ANGPT2: variants seen among roughly 807,000 people sequenced by gnomAD.
ANGPT2 encodes angiopoietin 2.
A neutral mutation model predicts 62.9 loss-of-function variants in ANGPT2; 28 were observed. That is an observed-to-expected ratio of 0.44 (90% confidence interval 0.33 to 0.61). The LOEUF (loss-of-function observed/expected upper bound fraction) is 0.61, where lower values mean the gene tolerates loss of function less well. ANGPT2 is among the 20% of genes least tolerant of loss of function. ANGPT2 has a pLI of 0.03. For missense variants in ANGPT2, 727 were observed against 594.9 expected (o/e 1.22, Z -2.31); for synonymous variants, 284 against 207.8 (o/e 1.37, Z -3.15).
chr8:6,527,928 C>T (rs909729130), intron 2 of ANGPT2, among the ~76,000 whole-genome samples: 1 of 126,852 alleles, frequency 7.9e-6, no homozygotes. Context: ...TGGAATCTCG[C>T]TCCATTGCCC....
chr8:6,522,329 T>C (rs191857082), intron 3 of ANGPT2, among the ~76,000 whole-genome samples: 2 of 151,430 alleles, frequency 1.3e-5, no homozygotes, highest in Non-Finnish European at 2.9e-5. Flanking sequence ...CACTCCAGCC[T>C]GGGCGACAGA....
intron 1 of ANGPT2, among the ~76,000 whole-genome samples, chr8:6,559,513 A>T (rs1389774847): frequency 2.6e-5 from 4 of 152,120 alleles, no homozygotes; most frequent in Non-Finnish European, 4.4e-5. Context: ...AAAACAAACA[A>T]ACAAAAAACG....
At chr8:6,508,822 A>T in intron 8 of ANGPT2, 110 bp downstream of exon 8, 1 of 1,466,206 alleles carries the variant, frequency 6.8e-7, no homozygotes, top group Non-Finnish European at 9.5e-7. Context: ...TCTACGTATG[A>T]AATTGTGGAC....
At chr8:6,538,451 G>A (rs553235520) in intron 1 of ANGPT2, among the ~76,000 whole-genome samples, 1 of 152,250 alleles carries the variant, frequency 6.6e-6, no homozygotes, top group South Asian at 2.1e-4. Context: ...TCCCTTGCAG[G>A]TTTGCCTGAG....
chr8:6,533,243 C>T (rs912998548), intron 1 of ANGPT2, among the ~76,000 whole-genome samples: 2 of 152,200 alleles, frequency 1.3e-5, no homozygotes, highest in Non-Finnish European at 2.9e-5. Flanking sequence ...CTAATTTTAG[C>T]ATTAACTGAA....
intron 1 of ANGPT2, among the ~76,000 whole-genome samples, chr8:6,549,642 AAG>A (rs551595696): frequency 9.3e-4 from 132 of 141,292 alleles, no homozygotes; most frequent in Non-Finnish European, 1.4e-3. Flanking sequence ...GATACAGACA[AAG>A]AGGGGCGTGA....
At chr8:6,562,552 C>CTTTTTTTTTTTTTTTTTGTTTTT (rs1825707793) in intron 1 of ANGPT2, 95 bp downstream of exon 1, 2 of 71,748 alleles carry the variant, frequency 2.8e-5, no homozygotes, top group Non-Finnish European at 5.2e-5. Context: ...CATCCTCCTT[C>CTTTTTTTTTTTTTTTTTGTTTTT]TTTTTTTTTT....
Position 6,562,965 on chromosome 8 carries a change from C to G in ANGPT2, c.-31G>C. On this transcript the variant is annotated 5_prime_UTR_variant, in exon 1 of 9. Transcript: ENST00000629816. The stretch of plus-strand genomic sequence containing the variant: ...CTTCAGTAATAAACCAGCAGCTTAG[C>G]AAACTTGAGGGCAAACACACGTCCA... 2 of 1,553,538 alleles carry G rather than the reference C, an allele frequency of 1.3e-6. No individual in the cohort carries two copies. Among genetic ancestry groups the G allele is most frequent in the Non-Finnish European group, 1.8e-6 (2 of 1,141,632 alleles).
At chr8:6,511,729 T>C (rs1815143544) in intron 7 of ANGPT2, among the ~76,000 whole-genome samples, 1 of 152,222 alleles carries the variant, frequency 6.6e-6, no homozygotes, top group Admixed American at 6.5e-5. Flanking sequence ...TAAACCAATG[T>C]GTGTGTTTTT....
intron 5 of ANGPT2, among the ~76,000 whole-genome samples, chr8:6,518,467 T>A (rs944399959): frequency 1.3e-5 from 2 of 152,200 alleles, no homozygotes; most frequent in Non-Finnish European, 2.9e-5. Flanking sequence ...TCAGGGTTGA[T>A]TTAACACAGC....
chr8:6,541,948 C>T (rs929363775), intron 1 of ANGPT2, among the ~76,000 whole-genome samples: 1 of 148,316 alleles, frequency 6.7e-6, no homozygotes, highest in African/African-American at 2.5e-5. Context: ...GTTGAGGCTG[C>T]AGTGAGCCGT....
In ANGPT2 at chr8:6,521,527, A is replaced by C. The variant is rs954813212; in HGVS notation, c.567-117T>G. The C allele has an allele frequency of 1.4e-5, 11 of 759,858 alleles. No individual in the cohort carries two copies. The African/African-American group carries it at 1.8e-4, about 12-fold the overall frequency. 47.1% of individuals were successfully genotyped at this position (759,858 alleles called of 1,614,324 possible). A position where few individuals can be genotyped will look rare whatever the true frequency, so the allele number is the denominator to read the frequency against. On this transcript the variant is annotated intron_variant, in intron 3 of 8. Transcript: ENST00000629816. The stretch of plus-strand genomic sequence containing the variant: ...AAGATATTGTAGTGGTTATAAAGTA[A>C]TATGATGTTACCAGAGCCCTAAGGA...
At chr8:6,531,424 G>T (rs1410094253) in intron 2 of ANGPT2, among the ~76,000 whole-genome samples, 3 of 151,824 alleles carry the variant, frequency 2.0e-5, no homozygotes, top group Non-Finnish European at 4.4e-5. Flanking sequence ...AAGTAGCTGG[G>T]ATTGCAGATG....
chr8:6,523,772 A>C (rs1299486565), intron 3 of ANGPT2, among the ~76,000 whole-genome samples: 1 of 152,124 alleles, frequency 6.6e-6, no homozygotes, highest in Admixed American at 6.5e-5. Context: ...TATTTTTAGT[A>C]GAGACGTGGT....
At chr8:6,543,070 G>C (rs958138181) in intron 1 of ANGPT2, among the ~76,000 whole-genome samples, 6 of 152,048 alleles carry the variant, frequency 3.9e-5, no homozygotes, top group Admixed American at 3.9e-4. Context: ...TGCCCTGCCG[G>C]GTCCCACTGC....
intron 3 of ANGPT2, among the ~76,000 whole-genome samples, chr8:6,525,326 T>C (rs2442614): frequency 0.082 from 12,429 of 152,168 alleles, 662 homozygotes; most frequent in African/African-American, 0.14. Context: ...AACTCCTAGG[T>C]TCAAGCGATC....
At chr8:6,561,887 A>C (rs980296260) in intron 1 of ANGPT2, among the ~76,000 whole-genome samples, 1 of 152,210 alleles carries the variant, frequency 6.6e-6, no homozygotes, top group Non-Finnish European at 1.5e-5. Flanking sequence ...AAACAGTGGA[A>C]TCACCCCAAG....
chr8:6,511,999 C>T (rs779340433), intron 7 of ANGPT2, among the ~76,000 whole-genome samples: 1 of 150,920 alleles, frequency 6.6e-6, no homozygotes, highest in Non-Finnish European at 1.5e-5. Context: ...CCACTTGTGT[C>T]TCAAAATTCA....
intron 1 of ANGPT2, among the ~76,000 whole-genome samples, chr8:6,545,821 T>C (rs1029398304): frequency 1.3e-5 from 2 of 152,266 alleles, no homozygotes; most frequent in Non-Finnish European, 2.9e-5. Flanking sequence ...TTGGAATAAA[T>C]ACAAGATTAC....
Sources: gnomAD v4.1 joint callset for allele counts (sites outside exome capture counted in the v4.1 genomes callset) on GRCh38, gnomAD v4.1.1 for gene constraint, MANE v1.5 for transcripts, NCBI Gene and HGNC (gene_info 2026-07-23, HGNC 2026-07-21) for gene names.